MDGA2: variants seen among roughly 807,000 people sequenced by gnomAD.
MDGA2 encodes MAM domain containing glycosylphosphatidylinositol anchor 2.
A neutral mutation model predicts 117.8 loss-of-function variants in MDGA2; 40 were observed. The observed-to-expected ratio is 0.34, with a 90% CI of 0.26 to 0.44. The LOEUF (loss-of-function observed/expected upper bound fraction) is 0.44, where lower values mean the gene tolerates loss of function less well. Ranked by LOEUF, MDGA2 falls within the 20% of genes least tolerant of loss-of-function variation. MDGA2 has a pLI of 1.00. For missense variants in MDGA2, 1,123 were observed against 1,250.6 expected, an observed-to-expected ratio of 0.90 and a Z score of 1.54; for synonymous variants, 452 against 439.0, an observed-to-expected ratio of 1.03 and a Z score of -0.37.
chr14:47,437,460 T>C (rs1187749840), intron 1 of MDGA2, among the ~76,000 whole-genome samples: 2 of 152,186 alleles, frequency 1.3e-5, no homozygotes, highest in African/African-American at 4.8e-5. Flanking sequence ...TGCTTATATG[T>C]TGCAACTCTG....
At chr14:46,975,852 C>T (rs1209528939) in intron 8 of MDGA2, among the ~76,000 whole-genome samples, 1 of 152,066 alleles carries the variant, frequency 6.6e-6, no homozygotes, top group Non-Finnish European at 1.5e-5. Flanking sequence ...AGACATAAGG[C>T]TTCTTGCTAT....
At position 47,675,603 on chromosome 14, in the gene MDGA2, A is replaced by G. The variant is rs1898171030; in HGVS notation, c.-807T>C. On this transcript the variant is annotated 5_prime_UTR_variant, in exon 1 of 17. Coordinates refer to ENST00000399232, the MANE Select transcript of MDGA2 (RefSeq NM_001113498.3). ...GCACCGCCACTTGCAAGAGAGGGAG[A>G]ATGCCAGGCAAATACCCGATCCGCA... Among the ~76,000 whole-genome samples, 1 of 152,040 alleles carries G rather than the reference A, an allele frequency of 6.6e-6. No individual in the cohort carries two copies. The highest frequency in any genetic ancestry group is 1.5e-5 in the Non-Finnish European group (1 of 68,000).
At chr14:46,970,701 A>G (rs1297783300) in intron 8 of MDGA2, among the ~76,000 whole-genome samples, 1 of 152,084 alleles carries the variant, frequency 6.6e-6, no homozygotes, top group African/African-American at 2.4e-5. Context: ...AAATGGGACT[A>G]TATTAAATTT....
At position 46,957,408 on chromosome 14, in the gene MDGA2, T is replaced by C; in HGVS notation, c.2055A>G (p.Glu685=). 6.2e-7 allele frequency: 1 copy of C among 1,613,956 alleles called. No individual in the cohort carries two copies. The highest frequency in any genetic ancestry group is 8.5e-7 in the Non-Finnish European group (1 of 1,179,848). The change falls in exon 9 of 17, where the codon GAA becomes GAG. Residue 685 remains glutamate (E), a synonymous_variant. Transcript: ENST00000399232. The part of the protein sequence containing the change: ...YGVYNCSIIN[E]AGAGRCSFLV... ...GAAAGCTGCATCTCCCAGCTCCAGC[T>C]TCATTTATGATGCTACAGTTATAAA...
At chr14:47,208,003 G>C (rs750363458) in intron 3 of MDGA2, among the ~76,000 whole-genome samples, 1 of 151,966 alleles carries the variant, frequency 6.6e-6, no homozygotes, top group African/African-American at 2.4e-5. Context: ...TTGAAGCAAG[G>C]TCAGATGTAC....
intron 1 of MDGA2, among the ~76,000 whole-genome samples, chr14:47,366,462 T>A (rs1030647552): frequency 6.6e-6 from 1 of 152,060 alleles, no homozygotes; most frequent in African/African-American, 2.4e-5. Flanking sequence ...CTAGGCCTCT[T>A]TTCCATGATC....
At position 46,913,228 on chromosome 14, in the gene MDGA2, A is replaced by C. The variant is rs552325702; in HGVS notation, c.2238+6784T>G. On this transcript the variant is annotated intron_variant, in intron 10 of 16. Transcript: ENST00000399232. ...TCTAAATCATCAGTACATGCCCCAA[A>C]TATGTGCCTAACTGTTGTACCTGTC... is the stretch of plus-strand genomic sequence containing the variant. 9.2e-5 allele frequency among the ~76,000 whole-genome samples: 14 copies of C among 152,206 alleles called. 1 individual carries two copies. The highest frequency in any genetic ancestry group is 3.1e-4 in the African/African-American group (13 of 41,562).
chr14:46,864,246 T>C (rs1473332016), intron 14 of MDGA2, among the ~76,000 whole-genome samples: 1 of 151,108 alleles, frequency 6.6e-6, no homozygotes, highest in Non-Finnish European at 1.5e-5. Context: ...GTGTATGCAT[T>C]TGTCAAAACT....
chr14:47,229,027 G>A (rs1207996958), intron 2 of MDGA2, among the ~76,000 whole-genome samples: 3 of 152,092 alleles, frequency 2.0e-5, no homozygotes, highest in Admixed American at 6.6e-5. Context: ...TAGACATAGT[G>A]AGCCACTCTT....
intron 1 of MDGA2, among the ~76,000 whole-genome samples, chr14:47,352,856 G>T (rs989209965): frequency 6.6e-6 from 1 of 152,092 alleles, no homozygotes; most frequent in African/African-American, 2.4e-5. Context: ...AATGTTGATG[G>T]CTGTTGTGAT....
intron 9 of MDGA2, among the ~76,000 whole-genome samples, chr14:46,950,468 C>T (rs1397120013): frequency 2.0e-5 from 3 of 151,948 alleles, no homozygotes; most frequent in Non-Finnish European, 4.4e-5. Context: ...GAAGGCTGTA[C>T]ATAGAAGTGA....
rs1263910570 is a variant in MDGA2 at position 46,891,103 on chromosome 14, C to T, written c.2239-8882G>A. ...TCAGTACATATTTTATGTGACTTTACATTCCTAATGTGTCAGTTTAAAGTA... is the reference window on the plus strand; with the variant it reads ...TCAGTACATATTTTATGTGACTTTATATTCCTAATGTGTCAGTTTAAAGTA... On this transcript the variant is annotated intron_variant, in intron 10 of 16. Coordinates refer to ENST00000399232, the MANE Select transcript of MDGA2 (RefSeq NM_001113498.3). Among the ~76,000 whole-genome samples the T allele has an allele frequency of 2.0e-5, 3 of 151,994 alleles. No homozygotes were observed. In the East Asian group the frequency reaches 5.8e-4, roughly 29 times the overall value.
At chr14:47,150,907 G>A (rs139203422) in intron 3 of MDGA2, among the ~76,000 whole-genome samples, 2 of 136,996 alleles carry the variant, frequency 1.5e-5, no homozygotes, top group Non-Finnish European at 3.1e-5. Context: ...CTGGGTGACA[G>A]AGCAAGACTC....
chr14:47,078,337 T>C (rs546577723), intron 6 of MDGA2, among the ~76,000 whole-genome samples: 1 of 152,276 alleles, frequency 6.6e-6, no homozygotes, highest in Admixed American at 6.5e-5. Context: ...CTTTGAAAGA[T>C]ATTTGTAGCA....
chr14:47,253,635 G>A lies in MDGA2; in HGVS notation c.421-35440C>T, dbSNP rs144653791. Among the ~76,000 whole-genome samples, 337 of 152,312 alleles carry A rather than the reference G, an allele frequency of 2.2e-3. 2 individuals are homozygous for A. The highest frequency in any genetic ancestry group is 7.6e-3 in the African/African-American group (317 of 41,566). Reference sequence around the variant, plus strand: ...CAGGCTGCTTTCATGGGCTGGTGTTGAGTGGCTGTGGCTTTTCCAGAAGCA... The same window carrying A: ...CAGGCTGCTTTCATGGGCTGGTGTTAAGTGGCTGTGGCTTTTCCAGAAGCA... On this transcript the variant is annotated intron_variant, in intron 2 of 16. Transcript: ENST00000399232.
intron 6 of MDGA2, among the ~76,000 whole-genome samples, chr14:47,083,746 A>G (rs1007048719): frequency 6.6e-6 from 1 of 152,072 alleles, no homozygotes; most frequent in South Asian, 2.1e-4. Flanking sequence ...AAATATATAT[A>G]TCATGCAAAC....
chr14:47,114,031 C>T (rs1180931721), intron 5 of MDGA2, among the ~76,000 whole-genome samples: 2 of 152,086 alleles, frequency 1.3e-5, no homozygotes, highest in African/African-American at 4.8e-5. Context: ...CCTAATGCTT[C>T]TTAAGGTGAT....
chr14:47,645,082 A>G (rs1318350250), intron 1 of MDGA2, among the ~76,000 whole-genome samples: 2 of 152,154 alleles, frequency 1.3e-5, no homozygotes, highest in African/African-American at 2.4e-5. Context: ...TTTTAGCCCT[A>G]TAAGACTCAT....
intron 1 of MDGA2, among the ~76,000 whole-genome samples, chr14:47,560,131 T>C (rs1020600415): frequency 6.6e-6 from 1 of 151,404 alleles, no homozygotes; most frequent in African/African-American, 2.4e-5. Flanking sequence ...GCAGTGGTGC[T>C]ATCTCGGGTC....
Sources: gnomAD v4.1 joint callset for allele counts (sites outside exome capture counted in the v4.1 genomes callset) on GRCh38, gnomAD v4.1.1 for gene constraint, MANE v1.5 for transcripts, NCBI Gene and HGNC (gene_info 2026-07-23, HGNC 2026-07-21) for gene names.